QKI: variants seen among roughly 807,000 people sequenced by gnomAD.
QKI encodes the protein KH domain-containing RNA-binding protein QKI.
QKI carries 10 observed loss-of-function variants against 39.0 expected under a neutral mutation model. That is an observed-to-expected ratio of 0.26 (90% CI 0.16 to 0.43). The LOEUF (loss-of-function observed/expected upper bound fraction) is 0.43. QKI is among the 20% of genes least tolerant of loss of function. The pLI, the probability that QKI is intolerant of heterozygous loss-of-function variation, is 1.00. For synonymous variants in QKI, 204 were observed against 155.4 expected (o/e 1.31, Z -2.33); for missense variants, 218 against 428.0 (o/e 0.51, Z 4.33).
At chr6:163,520,668 A>AATTTC in intron 3 of QKI, among the ~76,000 whole-genome samples, 1 of 152,312 alleles carries the variant, frequency 6.6e-6, no homozygotes, top group Admixed American at 6.5e-5. Flanking sequence ...AACATCATTG[A>AATTTC]AGAATGATTT....
At chr6:163,434,324 T>G (rs959424637) in intron 1 of QKI, among the ~76,000 whole-genome samples, 1 of 152,244 alleles carries the variant, frequency 6.6e-6, no homozygotes, top group African/African-American at 2.4e-5. Flanking sequence ...ATCCCTCTTA[T>G]GACGGGCTTA....
At chr6:163,541,902 T>C (rs1326244621) in intron 4 of QKI, among the ~76,000 whole-genome samples, 1 of 151,982 alleles carries the variant, frequency 6.6e-6, no homozygotes, top group East Asian at 1.9e-4. Flanking sequence ...ATTTTAATTA[T>C]GTGGACATGA....
chr6:163,504,492 G>A (rs559232988), intron 3 of QKI, among the ~76,000 whole-genome samples: 2 of 152,254 alleles, frequency 1.3e-5, no homozygotes, highest in African/African-American at 2.4e-5. Context: ...ATCCATGAGC[G>A]TGGGATGTTT....
chr6:163,558,006 A>G (rs750580972), intron 4 of QKI, among the ~76,000 whole-genome samples: 6 of 152,196 alleles, frequency 3.9e-5, no homozygotes, highest in South Asian at 2.1e-4. Flanking sequence ...TTAATGACCC[A>G]TTTTACAAAT....
chr6:163,569,939 A>G (rs959002445), intron 7 of QKI: 1 of 986,772 alleles, frequency 1.0e-6, no homozygotes, highest in African/African-American at 1.7e-5. Context: ...AGTGCATTTT[A>G]TAAGTGTTCT....
In QKI at chr6:163,463,383, A is replaced by G. The variant is rs907365027; in HGVS notation, c.285+7962A>G. Reference sequence around the variant, plus strand: ...TTTCGAGGATTAAGTGACCTAATGCATGTAAAATACCCAGCCCAGAAGTTG... The same window carrying G: ...TTTCGAGGATTAAGTGACCTAATGCGTGTAAAATACCCAGCCCAGAAGTTG... On this transcript the variant is annotated intron_variant, in intron 2 of 7. Coordinates refer to ENST00000361752, the MANE Select transcript of QKI (RefSeq NM_006775.3). Among the ~76,000 whole-genome samples, 26 of 152,196 alleles carry G rather than the reference A, an allele frequency of 1.7e-4. 1 individual carries two copies. Among genetic ancestry groups the G allele is most frequent in the Admixed American group, 7.2e-4 (11 of 15,278 alleles).
chr6:163,534,943 A>G, intron 3 of QKI, 39 bp from the exon 4 acceptor site: 1 of 1,503,426 alleles, frequency 6.7e-7, no homozygotes, highest in African/African-American at 1.4e-5. Context: ...CTCTCTTTAA[A>G]GAGAATAATT....
chr6:163,470,257 T>A (rs1394041557), intron 2 of QKI, among the ~76,000 whole-genome samples: 1 of 152,092 alleles, frequency 6.6e-6, no homozygotes, highest in Non-Finnish European at 1.5e-5. Context: ...TCCCTTGCCA[T>A]GCCCAGCCTA....
intron 2 of QKI, among the ~76,000 whole-genome samples, chr6:163,471,231 A>G (rs1469491294): frequency 6.6e-6 from 1 of 152,180 alleles, no homozygotes; most frequent in East Asian, 1.9e-4. Flanking sequence ...GAGATGGTGT[A>G]TAAAGAATCT....
At chr6:163,568,214 C>G in intron 7 of QKI, 1 of 983,976 alleles carries the variant, frequency 1.0e-6, no homozygotes, top group Non-Finnish European at 1.2e-6. Context: ...TTGCTAATGT[C>G]TACAATTGTT....
At chr6:163,469,483 AAGGTTACTTAAAGAAAT>A (rs1227560867) in intron 2 of QKI, among the ~76,000 whole-genome samples, 1 of 152,230 alleles carries the variant, frequency 6.6e-6, no homozygotes, top group African/African-American at 2.4e-5. Context: ...AGTAGCTGGC[AAGGTTACTTAAAGAAAT>A]AGCCAAGGTA....
intron 4 of QKI, among the ~76,000 whole-genome samples, chr6:163,557,404 A>G (rs1220520537): frequency 6.6e-6 from 1 of 152,216 alleles, no homozygotes; most frequent in African/African-American, 2.4e-5. Context: ...ACTGGAGGTC[A>G]TTATGTTAAG....
intron 3 of QKI, among the ~76,000 whole-genome samples, chr6:163,496,131 A>G (rs1315521822): frequency 6.6e-6 from 1 of 152,190 alleles, no homozygotes; most frequent in African/African-American, 2.4e-5. Context: ...TCAGTATTAC[A>G]TGTATTCTTG....
At chr6:163,436,613 A>G (rs1215184997) in intron 1 of QKI, among the ~76,000 whole-genome samples, 2 of 151,988 alleles carry the variant, frequency 1.3e-5, no homozygotes, top group Non-Finnish European at 2.9e-5. Flanking sequence ...CAGGAGTTCA[A>G]GACCAGCCAG....
intron 3 of QKI, among the ~76,000 whole-genome samples, chr6:163,491,359 C>G (rs1778041782): frequency 6.6e-6 from 1 of 152,182 alleles, no homozygotes. Flanking sequence ...GGCTGCACTT[C>G]CGGCCGCACT....
At chr6:163,514,897 A>G (rs928621466) in intron 3 of QKI, among the ~76,000 whole-genome samples, 6 of 152,216 alleles carry the variant, frequency 3.9e-5, no homozygotes, top group African/African-American at 7.2e-5. Flanking sequence ...CTATAACTAC[A>G]TTGAAATGTA....
intron 1 of QKI, among the ~76,000 whole-genome samples, chr6:163,442,022 C>T (rs779591103): frequency 7.9e-5 from 12 of 152,264 alleles, no homozygotes; most frequent in South Asian, 2.1e-4. Context: ...ATCAGACTAT[C>T]TTTGTGATAA....
chr6:163,424,981 AC>A (rs1788301497), intron 1 of QKI, among the ~76,000 whole-genome samples: 1 of 152,228 alleles, frequency 6.6e-6, no homozygotes, highest in African/African-American at 2.4e-5. Context: ...GATAGGATAA[AC>A]AATTAAATAA....
At chr6:163,445,865 C>T (rs150513650) in intron 1 of QKI, among the ~76,000 whole-genome samples, 89 of 152,310 alleles carry the variant, frequency 5.8e-4, no homozygotes, top group African/African-American at 8.7e-4. Context: ...CCGTCCACCT[C>T]GGCCTCCCAA....
Sources: allele counts gnomAD v4.1 joint callset (sites outside exome capture counted in the v4.1 genomes callset), GRCh38; gene constraint gnomAD v4.1.1; transcripts MANE v1.5; gene names NCBI Gene and HGNC (gene_info 2026-07-23, HGNC 2026-07-21).